Variants in ROCK1 observed in about 807,000 individuals in gnomAD.
The protein encoded by ROCK1 is rho-associated protein kinase 1.
ROCK1 carries 36 observed loss-of-function variants against 196.8 expected under a neutral mutation model. The ratio of observed to expected loss-of-function variants is 0.18; its 90% CI spans 0.14 to 0.24. The LOEUF (loss-of-function observed/expected upper bound fraction) is 0.24. Among genes scored for constraint, ROCK1 ranks in the 10% least tolerant of loss-of-function variants. The pLI is 1.00. For missense variants in ROCK1, 920 were observed against 1,562.0 expected, an observed-to-expected ratio of 0.59 and a Z score of 6.93; for synonymous variants, 443 against 515.9, an observed-to-expected ratio of 0.86 and a Z score of 1.91.
At chr18:20,977,243 A>C (rs1245568462) in intron 22 of ROCK1, among the ~76,000 whole-genome samples, 1 of 152,202 alleles carries the variant, frequency 6.6e-6, no homozygotes, top group Non-Finnish European at 1.5e-5. Flanking sequence ...CTGGGAATAG[A>C]CAATAGACAA....
intron 13 of ROCK1, 148 bp from the exon 14 acceptor site, chr18:21,008,342 T>A (rs1463213715): frequency 1.8e-6 from 1 of 542,510 alleles, no homozygotes; most frequent in Non-Finnish European, 3.1e-6. Context: ...AAATAGTATC[T>A]CCTAATACAA....
chr18:21,003,105 T>C (rs1170536517), intron 16 of ROCK1, among the ~76,000 whole-genome samples: 1 of 152,144 alleles, frequency 6.6e-6, no homozygotes, highest in East Asian at 1.9e-4. Context: ...GACAAAGTCC[T>C]ACCGAAGTAG....
chr18:21,066,711 T>G (rs1324056231), intron 2 of ROCK1, among the ~76,000 whole-genome samples: 1 of 152,220 alleles, frequency 6.6e-6, no homozygotes, highest in Non-Finnish European at 1.5e-5. Flanking sequence ...TGTCTGGCTT[T>G]TTTCACTTAA....
intron 16 of ROCK1, among the ~76,000 whole-genome samples, chr18:20,998,149 T>C (rs2035689257): frequency 6.6e-6 from 1 of 152,160 alleles, no homozygotes; most frequent in Admixed American, 6.5e-5. Flanking sequence ...AAAGCGGAAT[T>C]TTTGAAACGA....
chr18:21,104,724 A>G (rs2036689164), intron 1 of ROCK1, among the ~76,000 whole-genome samples: 1 of 152,236 alleles, frequency 6.6e-6, no homozygotes, highest in African/African-American at 2.4e-5. Flanking sequence ...TATAAAAGAT[A>G]CACACAGAAA....
At chr18:21,103,227 C>T (rs2036674500) in intron 1 of ROCK1, among the ~76,000 whole-genome samples, 1 of 151,972 alleles carries the variant, frequency 6.6e-6, no homozygotes, top group Admixed American at 6.6e-5. Flanking sequence ...CAATTATGAA[C>T]GTAAGTCACA....
At chr18:21,046,603 C>T (rs2036161929) in intron 4 of ROCK1, among the ~76,000 whole-genome samples, 1 of 152,098 alleles carries the variant, frequency 6.6e-6, no homozygotes, top group Non-Finnish European at 1.5e-5. Context: ...GCAAAATCCA[C>T]TAATGTGAAA....
intron 1 of ROCK1, among the ~76,000 whole-genome samples, chr18:21,085,312 G>GA (rs2036516883): frequency 8.6e-6 from 1 of 116,748 alleles, no homozygotes; most frequent in African/African-American, 3.3e-5. Flanking sequence ...CTGAGCCCAG[G>GA]AATTTCAGAG....
At chr18:21,042,374 A>G (rs2036114602) in intron 7 of ROCK1, 139 bp from the exon 8 acceptor site, 1 of 979,076 alleles carries the variant, frequency 1.0e-6, no homozygotes, top group Non-Finnish European at 1.5e-6. Context: ...AATATATAAA[A>G]GAACACATCA....
intron 2 of ROCK1, among the ~76,000 whole-genome samples, chr18:21,062,825 T>C (rs1300805747): frequency 1.3e-5 from 2 of 152,278 alleles, no homozygotes; most frequent in East Asian, 3.9e-4. Flanking sequence ...ACCTGGACTT[T>C]CTAGATCATC....
chr18:20,955,353 A>T (rs2035231720), intron 29 of ROCK1, 108 bp from the exon 30 acceptor site: 1 of 885,136 alleles, frequency 1.1e-6, no homozygotes, highest in South Asian at 1.9e-5. Context: ...AAGATATTCA[A>T]CATCATCAGT....
At position 20,979,777 on chromosome 18, in the gene ROCK1, T is replaced by C. The variant is rs964172427; in HGVS notation, c.2654+133A>G. On this transcript the variant is annotated intron_variant, in intron 22 of 32. Transcript: ENST00000399799. ...AAGGCAAATTTCAGCCTAATCTGAT[T>C]TGTTCTGAATTAGCCCAATAAACTG... is the stretch of plus-strand genomic sequence containing the variant. 7 of 1,069,374 alleles carry C rather than the reference T, an allele frequency of 6.5e-6. No individual in the cohort carries two copies. In the African/African-American group the frequency reaches 1.0e-4, roughly 15 times the overall value. 66.2% of individuals were successfully genotyped at this position (1,069,374 alleles called of 1,614,324 possible).
chr18:20,998,852 G>A (rs1355175430), intron 16 of ROCK1, among the ~76,000 whole-genome samples: 5 of 151,786 alleles, frequency 3.3e-5, no homozygotes, highest in Admixed American at 6.6e-5. Flanking sequence ...CAAGTGATCC[G>A]CCCACCTTGG....
rs551836032 is a variant in ROCK1 at position 21,028,766 on chromosome 18, G to A, written c.1211+10C>T. The A allele has an allele frequency of 1.9e-6, 3 of 1,596,764 alleles. No homozygotes were observed. In the African/African-American group the frequency reaches 4.1e-5, roughly 22 times the overall value. ...CACTTACTCCTATAATCACTGTTTA[G>A]CATACTTACCTACGATTGCTATAAT... On this transcript the variant is annotated intron_variant, in intron 10 of 32. Transcript: ENST00000399799.
At chr18:20,985,262 C>A (rs1454027167) in intron 19 of ROCK1, among the ~76,000 whole-genome samples, 6 of 152,166 alleles carry the variant, frequency 3.9e-5, no homozygotes, top group Non-Finnish European at 8.8e-5. Flanking sequence ...GGTGTTGGGA[C>A]CAATGAACTC....
intron 1 of ROCK1, among the ~76,000 whole-genome samples, chr18:21,110,447 T>G (rs1259808858): frequency 7.9e-5 from 12 of 152,216 alleles, no homozygotes; most frequent in African/African-American, 2.9e-4. Context: ...CCAATTTAAC[T>G]GTCAAACGGA....
rs974288725 is a variant in ROCK1, at chr18:21,111,092, G to A, written c.-182C>T. The A allele has an allele frequency of 1.5e-5, 9 of 599,748 alleles. 1 individual carries two copies. In the Admixed American group the frequency reaches 1.6e-4, roughly 10 times the overall value. The allele number at this position is 599,748 out of a possible 1,614,324, so 37.2% of individuals were successfully genotyped here. On this transcript the variant is annotated 5_prime_UTR_variant, in exon 1 of 33. Transcript: ENST00000399799. This position sits in a 1 kb window ranked among gnomAD's most constrained non-coding sequence, Gnocchi z 4.2. ...GGGACCTCCGCTCTCCAGACCCCGGGCCGGGGGCAACAGCGACCCACAGCC... is the reference window on the plus strand; with the variant it reads ...GGGACCTCCGCTCTCCAGACCCCGGACCGGGGGCAACAGCGACCCACAGCC...
rs1283415475 is a variant in ROCK1 at position 20,947,514 on chromosome 18, T to C, written c.*3870A>G. On this transcript the variant is annotated 3_prime_UTR_variant, in exon 33 of 33. Coordinates refer to ENST00000399799, the MANE Select transcript of ROCK1 (RefSeq NM_005406.3). ...AAATTGATTTGAACAGTAAACATTA[T>C]AAAAACAAAGAATAATTGTGATTAA... 2 of 151,922 alleles carry C rather than the reference T, an allele frequency of 1.3e-5. No homozygotes were observed. Among genetic ancestry groups the C allele is most frequent in the East Asian group, 3.9e-4 (2 of 5,180 alleles). 9.4% of individuals were successfully genotyped at this position (151,922 alleles called of 1,614,324 possible).
At position 20,966,862 on chromosome 18, in the gene ROCK1, T is replaced by C. The variant is rs896241055; in HGVS notation, c.3352+55A>G. 5.2e-6 allele frequency: 7 copies of C among 1,353,586 alleles called. No individual in the cohort carries two copies. In the African/African-American group the frequency reaches 8.8e-5, roughly 17 times the overall value. 83.8% of individuals were successfully genotyped at this position (1,353,586 alleles called of 1,614,324 possible). ...GGTAGAAAACCAAATGAAAGAAATA[T>C]ACACTAATTTCCATGACATTTATAC... On this transcript the variant is annotated intron_variant, in intron 27 of 32. Transcript: ENST00000399799.
Sources: gnomAD v4.1 joint callset for allele counts (sites outside exome capture counted in the v4.1 genomes callset) on GRCh38, gnomAD v4.1.1 for gene constraint, Gnocchi (gnomAD v3.1) non-coding constraint, MANE v1.5 for transcripts, NCBI Gene and HGNC (gene_info 2026-07-23, HGNC 2026-07-21) for gene names.